The following GTPBP6 variants were observed in gnomAD, a reference collection of about 807,000 sequenced individuals.
The protein encoded by GTPBP6 is GTP binding protein 6.
Under a neutral mutation model 28.9 loss-of-function variants are expected in GTPBP6, and 33 were observed. The observed-to-expected ratio is 1.14, with a 90% CI of 0.87 to 1.53. The LOEUF (loss-of-function observed/expected upper bound fraction) is 1.53, where lower values mean the gene tolerates loss of function less well. Among genes scored for constraint, GTPBP6 ranks in the 40% most tolerant of loss-of-function variants. The pLI is 0.00. For synonymous variants in GTPBP6, 231 were observed against 192.7 expected (o/e 1.20, Z -1.65); for missense variants, 507 against 408.3 (o/e 1.24, Z -2.08).
chrX:307,587 A>T, intron 8 of GTPBP6, 75 bp from the exon 9 acceptor site: 1 of 1,523,056 alleles, frequency 6.6e-7, no homozygotes, highest in Non-Finnish European at 9.0e-7. Context: ...CCAGGAGTCC[A>T]CTGCCCACGG....
At chrX:315,543 TACAC>T (rs2070414594) in intron 2 of GTPBP6, among the ~76,000 whole-genome samples, 1 of 63,386 alleles carries the variant, frequency 1.6e-5, no homozygotes, top group Non-Finnish European at 3.5e-5. Flanking sequence ...CACAAACACA[TACAC>T]ACGCAGACAC....
rs1205733115 is a variant in GTPBP6, at chrX:317,695, A to AACCCC, written c.350-649_350-645dup. Among the ~76,000 whole-genome samples, 722 of 74,850 alleles carry AACCCC rather than the reference A, an allele frequency of 9.6e-3. 7 individuals are homozygous for AACCCC. Among genetic ancestry groups the AACCCC allele is most frequent in the African/African-American group, 0.025 (420 of 16,562 alleles). 49.1% of individuals were successfully genotyped at this position (74,850 alleles called of 152,430 possible). On this transcript the variant is annotated intron_variant, in intron 1 of 9. Coordinates refer to ENST00000326153, the Ensembl canonical transcript of GTPBP6. ...CGGCGAGAACCGCCCCGGCCCACCC[A>AACCCC]ACCCCACCCCACCCCACCCCACCCC... is the stretch of plus-strand genomic sequence containing the variant.
chrX:314,323 G>C, intron 4 of GTPBP6, 106 bp from the exon 5 acceptor site: 3 of 920,534 alleles, frequency 3.3e-6, no homozygotes, highest in Non-Finnish European at 5.3e-6. Flanking sequence ...CTGGGCCGAA[G>C]GGAGGAGCCG....
intron 5 of GTPBP6, among the ~76,000 whole-genome samples, chrX:313,265 C>T (rs1021351180): frequency 1.6e-4 from 25 of 152,192 alleles, no homozygotes; most frequent in Non-Finnish European, 2.6e-4. Context: ...CTTTCACATC[C>T]GAAGTCCCAG....
exon 2 of GTPBP6, chrX:316,929 A>C: frequency 2.5e-6 from 1 of 398,662 alleles, no homozygotes; most frequent in Non-Finnish European, 4.4e-6. Context: ...AGGTGCTCAA[A>C]GTTCCCTTTG....
intron 5 of GTPBP6, among the ~76,000 whole-genome samples, 151 bp from the exon 6 acceptor site, chrX:313,075 G>A (rs1362165622): frequency 2.0e-5 from 3 of 152,334 alleles, no homozygotes; most frequent in South Asian, 2.1e-4. Flanking sequence ...GCCCCGACAC[G>A]TCCTGTTCCA....
At chrX:313,675 G>C (rs1239290633) in intron 5 of GTPBP6, among the ~76,000 whole-genome samples, 1 of 151,824 alleles carries the variant, frequency 6.6e-6, no homozygotes, top group Non-Finnish European at 1.5e-5. Flanking sequence ...AGACAGAAGA[G>C]GAGACACAGA....
At chrX:312,972 C>T (rs1273891200) in intron 5 of GTPBP6, 48 bp from the exon 6 acceptor site, 3 of 1,565,448 alleles carry the variant, frequency 1.9e-6, no homozygotes, top group Non-Finnish European at 2.6e-6. Context: ...CCGGGAAAGG[C>T]ACAAGTGCGG....
At chrX:318,347 C>T in intron 1 of GTPBP6, 92 bp downstream of exon 1, 1 of 396,978 alleles carries the variant, frequency 2.5e-6, no homozygotes, top group Non-Finnish European at 4.4e-6. Flanking sequence ...GAGCCCCGCC[C>T]CTGAATCTCC....
At chrX:309,259 G>T (rs1195820880) in intron 7 of GTPBP6, among the ~76,000 whole-genome samples, 1 of 152,138 alleles carries the variant, frequency 6.6e-6, no homozygotes, top group South Asian at 2.1e-4. Flanking sequence ...TCTACGGTAC[G>T]GATGGAGTGT....
intron 7 of GTPBP6, among the ~76,000 whole-genome samples, chrX:310,841 A>G (rs1485644811): frequency 2.0e-5 from 3 of 149,074 alleles, no homozygotes; most frequent in African/African-American, 7.5e-5. Context: ...CAGCCTCAGG[A>G]CCCCACAGGT....
chrX:314,215 G>T lies in GTPBP6; in HGVS notation c.692C>A (p.Ser231Ter). The T allele has an allele frequency of 1.2e-6, 2 of 1,612,944 alleles. No homozygotes were observed. The highest frequency in any genetic ancestry group is 1.7e-6 in the Non-Finnish European group (2 of 1,179,002). The change falls in exon 5 of 10, where the codon TCG (serine) becomes TAG (stop). Residue 231 changes from serine (S) to a stop codon, truncating the protein, a stop_gained and splice_region_variant. Transcript: ENST00000326153. LOFTEE classifies it high-confidence loss of function. ...GTGGGCGACGTCCCTTTTCAAGTTC[G>T]ACCTGGTGTGGGAACGGGAGTGGCT...
At chrX:305,674 G>C (rs1424262340) in intron 9 of GTPBP6, among the ~76,000 whole-genome samples, 3 of 148,408 alleles carry the variant, frequency 2.0e-5, no homozygotes, top group Admixed American at 2.0e-4. Context: ...CGCCAGGCTG[G>C]GGTGCAGTGG....
At chrX:315,579 C>CAA (rs2070416524) in intron 2 of GTPBP6, among the ~76,000 whole-genome samples, 5 of 54,322 alleles carry the variant, frequency 9.2e-5, no homozygotes, top group African/African-American at 4.3e-4. Context: ...CACACACACA[C>CAA]ACACACAGTA....
rs184381675 is a variant in GTPBP6, at chrX:313,737, C to A, written c.757+413G>T. Among the ~76,000 whole-genome samples, 3 of 149,636 alleles carry A rather than the reference C, an allele frequency of 2.0e-5. No homozygotes were observed. In the East Asian group the frequency reaches 6.1e-4, roughly 30 times the overall value. On this transcript the variant is annotated intron_variant, in intron 5 of 9. Transcript: ENST00000326153. ...GGAGGCAGAGACTGGAGTGACGCGG[C>A]CACAAACCCAGGGATGCCTGGAGCC... is the stretch of plus-strand genomic sequence containing the variant.
At chrX:314,666 C>T (rs1407184499) in intron 4 of GTPBP6, among the ~76,000 whole-genome samples, 82 of 151,978 alleles carry the variant, frequency 5.4e-4, no homozygotes, top group African/African-American at 1.5e-3. Flanking sequence ...TTAGTACAGA[C>T]GGGGTTTCAC....
At chrX:314,553 A>G (rs1212930122) in intron 4 of GTPBP6, among the ~76,000 whole-genome samples, 200 of 151,480 alleles carry the variant, frequency 1.3e-3, no homozygotes, top group African/African-American at 4.7e-3. Flanking sequence ...GCTCACTGCA[A>G]GCTCCACCTC....
At chrX:307,247 C>T in intron 9 of GTPBP6, 113 bp downstream of exon 9, 1 of 956,944 alleles carries the variant, frequency 1.0e-6, no homozygotes, top group Non-Finnish European at 1.6e-6. Flanking sequence ...TCTGTACATC[C>T]TAAAGCTCTC....
At chrX:307,959 G>A (rs1241538840) in intron 7 of GTPBP6, 79 bp from the exon 8 acceptor site, 3 of 1,274,782 alleles carry the variant, frequency 2.4e-6, no homozygotes, top group African/African-American at 3.0e-5. Context: ...CCAGGAGAGG[G>A]GCTCACACGA....
Sources: gnomAD v4.1 joint callset for allele counts (sites outside exome capture counted in the v4.1 genomes callset) on GRCh38, gnomAD v4.1.1 for gene constraint, MANE v1.5 for transcripts, NCBI Gene and HGNC (gene_info 2026-07-23, HGNC 2026-07-21) for gene names.